The following EDARADD variants were observed in gnomAD, a reference collection of about 807,000 sequenced individuals.
EDARADD encodes the protein EDAR associated via death domain, also known as ectodysplasin-A receptor-associated adapter protein.
A neutral mutation model predicts 25.6 loss-of-function variants in EDARADD; 20 were observed. That is an observed-to-expected ratio of 0.78 (90% CI 0.55 to 1.14). EDARADD has a LOEUF of 1.14. Ranked by LOEUF, EDARADD falls within the 50% of genes most tolerant of loss-of-function variation. EDARADD has a pLI of 0.00. For synonymous variants in EDARADD, 86 were observed against 94.4 expected, an observed-to-expected ratio of 0.91 and a Z score of 0.52; for missense variants, 225 against 270.1, an observed-to-expected ratio of 0.83 and a Z score of 1.17.
At chr1:236,431,639 G>GACCTTATA (rs1571930821) in intron 4 of EDARADD, among the ~76,000 whole-genome samples, 2 of 119,786 alleles carry the variant, frequency 1.7e-5, no homozygotes, top group Admixed American at 8.2e-5. Context: ...ACCCCAGGCA[G>GACCTTATA]GGCCGGGCGC....
chr1:236,443,551 G>A (rs1280648741), intron 4 of EDARADD, among the ~76,000 whole-genome samples: 2 of 152,202 alleles, frequency 1.3e-5, no homozygotes, highest in Admixed American at 6.5e-5. Context: ...AGATACAGTA[G>A]AAATAGCAAG....
At chr1:236,372,261 T>C (rs1361436536) in intron 3 of EDARADD, among the ~76,000 whole-genome samples, 1 of 152,154 alleles carries the variant, frequency 6.6e-6, no homozygotes, top group East Asian at 1.9e-4. Flanking sequence ...CAGCCCCATT[T>C]TTTTCTTTTT....
intron 3 of EDARADD, among the ~76,000 whole-genome samples, chr1:236,375,389 C>T (rs1211454069): frequency 6.6e-6 from 1 of 152,130 alleles, no homozygotes; most frequent in Non-Finnish European, 1.5e-5. Flanking sequence ...GGCGCAGTGG[C>T]TCACGCCTGT....
chr1:236,470,984 TC>T (rs1659344659), intron 5 of EDARADD, among the ~76,000 whole-genome samples: 1 of 152,120 alleles, frequency 6.6e-6, no homozygotes, highest in African/African-American at 2.4e-5. Context: ...CTCAAGTGAT[TC>T]ACCTGCCTTG....
chr1:236,357,088 T>TA (rs138887211), intron 3 of EDARADD, among the ~76,000 whole-genome samples: 13,709 of 144,910 alleles, frequency 0.095, 1,017 homozygotes, highest in African/African-American at 0.2. Flanking sequence ...CTGTCTCAAA[T>TA]AAAAAATAAA....
intron 4 of EDARADD, among the ~76,000 whole-genome samples, chr1:236,447,169 C>T (rs61237627): frequency 0.08 from 7,546 of 94,466 alleles, 469 homozygotes; most frequent in African/African-American, 0.18. Flanking sequence ...TCCCTCCCTC[C>T]CTCTTTCTTT....
At chr1:236,401,081 G>C (rs1037445500) in intron 1 of EDARADD, among the ~76,000 whole-genome samples, 2 of 152,006 alleles carry the variant, frequency 1.3e-5, no homozygotes, top group Non-Finnish European at 2.9e-5. Flanking sequence ...AGCTATATGG[G>C]AGGCTGAGGT....
intron 5 of EDARADD, among the ~76,000 whole-genome samples, chr1:236,478,468 GTA>G (rs1004889081): frequency 6.7e-5 from 10 of 149,672 alleles, no homozygotes; most frequent in Middle Eastern, 3.5e-3. Flanking sequence ...GTGTGTGTGT[GTA>G]TATATATATG....
chr1:236,484,384 A>G lies in EDARADD; in HGVS notation c.*1735A>G, dbSNP rs1659771344. On this transcript the variant is annotated 3_prime_UTR_variant, in exon 6 of 6. Transcript: ENST00000334232. The surrounding 1 kb of genome is among the most constrained non-coding windows in gnomAD (Gnocchi z 4.1). ...TGCTGATCTGAGCGCTTGGCCAAGT[A>G]CAACCAGCTCCTCAGAATTGAAGAG... is the stretch of plus-strand genomic sequence containing the variant. 2 of 1,602,512 alleles carry G rather than the reference A, an allele frequency of 1.2e-6. No homozygotes were observed. Among genetic ancestry groups the G allele is most frequent in the African/African-American group, 1.3e-5 (1 of 74,790 alleles).
chr1:236,388,908 T>C (rs754697529), intron 3 of EDARADD, among the ~76,000 whole-genome samples: 15 of 152,136 alleles, frequency 9.9e-5, no homozygotes, highest in Non-Finnish European at 2.1e-4. Flanking sequence ...ATTCTGGGAG[T>C]AGAAAGATAC....
chr1:236,480,819 A>G (rs1165825525), intron 5 of EDARADD, among the ~76,000 whole-genome samples: 1 of 152,218 alleles, frequency 6.6e-6, no homozygotes, highest in African/African-American at 2.4e-5. Context: ...TCATCCTCCT[A>G]CAAATATACC....
Position 236,484,632 on chromosome 1 carries a change from C to G in EDARADD, c.*1983C>G. 2.0e-6 allele frequency: 1 copy of G among 503,798 alleles called. No individual in the cohort carries two copies. Among genetic ancestry groups the G allele is most frequent in the Non-Finnish European group, 3.6e-6 (1 of 275,972 alleles). 31.2% of individuals were successfully genotyped at this position (503,798 alleles called of 1,614,324 possible). ...AGTTCGCACCTCTTCCTTAGAACTT[C>G]TACAGAAGCAGGTTGCAGTGAGCCG... On this transcript the variant is annotated 3_prime_UTR_variant, in exon 6 of 6. Coordinates refer to ENST00000334232, the MANE Select transcript of EDARADD (RefSeq NM_145861.4). The surrounding 1 kb of genome is among the most constrained non-coding windows in gnomAD (Gnocchi z 4.1).
intron 3 of EDARADD, among the ~76,000 whole-genome samples, chr1:236,370,870 C>T (rs1667165727): frequency 6.6e-6 from 1 of 152,184 alleles, no homozygotes; most frequent in Non-Finnish European, 1.5e-5. Context: ...AGTCCCCAGG[C>T]AAGAAGGAGG....
chr1:236,443,530 G>A (rs1460021186), intron 4 of EDARADD, among the ~76,000 whole-genome samples: 1 of 152,200 alleles, frequency 6.6e-6, no homozygotes, highest in Admixed American at 6.5e-5. Context: ...TTCAGTGGGG[G>A]AAGTAACTGC....
At chr1:236,381,545 G>T (rs1282817364) in intron 3 of EDARADD, among the ~76,000 whole-genome samples, 1 of 151,642 alleles carries the variant, frequency 6.6e-6, no homozygotes, top group Non-Finnish European at 1.5e-5. Context: ...CTAGGCTTTT[G>T]AACAATTGTT....
intron 3 of EDARADD, among the ~76,000 whole-genome samples, chr1:236,363,631 C>T (rs1028688411): frequency 7.9e-5 from 12 of 151,828 alleles, no homozygotes; most frequent in Admixed American, 5.9e-4. Context: ...TGGGCTCAAG[C>T]GATTTTCCTA....
chr1:236,364,610 C>T (rs945072422), intron 3 of EDARADD, among the ~76,000 whole-genome samples: 1 of 152,232 alleles, frequency 6.6e-6, no homozygotes, highest in Non-Finnish European at 1.5e-5. Context: ...AGGTCTTTCA[C>T]ATCCTCAGAT....
chr1:236,371,421 C>CT (rs1435259595), intron 3 of EDARADD, among the ~76,000 whole-genome samples: 1 of 151,922 alleles, frequency 6.6e-6, no homozygotes, highest in Non-Finnish European at 1.5e-5. Flanking sequence ...ATTTTATTTC[C>CT]TTTTTTTGTC....
chr1:236,441,753 C>T (rs1216933349), intron 4 of EDARADD, among the ~76,000 whole-genome samples: 1 of 151,884 alleles, frequency 6.6e-6, no homozygotes, highest in Non-Finnish European at 1.5e-5. Context: ...TGGTCTTGAA[C>T]TCCTGACCTC....
Sources: gnomAD v4.1 joint callset for allele counts (sites outside exome capture counted in the v4.1 genomes callset) on GRCh38, gnomAD v4.1.1 for gene constraint, Gnocchi (gnomAD v3.1) non-coding constraint, MANE v1.5 for transcripts, NCBI Gene and HGNC (gene_info 2026-07-23, HGNC 2026-07-21) for gene names.